The following LIMCH1 variants were observed in gnomAD, a reference collection of about 807,000 sequenced individuals.
The protein encoded by LIMCH1 is LIM and calponin homology domains-containing protein 1.
LIMCH1 carries 113 observed loss-of-function variants against 176.5 expected under a neutral mutation model. The ratio of observed to expected loss-of-function variants is 0.64; its 90% CI spans 0.55 to 0.75. The LOEUF is 0.75. Ranked by LOEUF, LIMCH1 falls within the 30% of genes least tolerant of loss-of-function variation. The probability of loss-of-function intolerance (pLI) is 0.00; values close to 1 mark genes in which losing one functional copy is unlikely to be tolerated. For missense variants in LIMCH1, 1,674 were observed against 1,814.9 expected, an observed-to-expected ratio of 0.92 and a Z score of 1.41; for synonymous variants, 619 against 645.9, an observed-to-expected ratio of 0.96 and a Z score of 0.63.
intron 1 of LIMCH1, among the ~76,000 whole-genome samples, chr4:41,578,754 A>T (rs2084913008): frequency 6.8e-6 from 1 of 146,394 alleles, no homozygotes; most frequent in South Asian, 2.1e-4. Context: ...ATAGGGTCTC[A>T]CTTGGTTGCC....
Position 41,401,653 on chromosome 4 carries a change from C to T in LIMCH1, c.96+40717C>T, listed in dbSNP as rs1048261877. On this transcript the variant is annotated intron_variant, in intron 1 of 26. Coordinates refer to the LIMCH1 transcript ENST00000313860. ...GGCCATTTTCACGATATTGATTCTT[C>T]CTACCCATGAGCATGGAATGTTCTT... Among the ~76,000 whole-genome samples, 12 of 152,192 alleles carry T rather than the reference C, an allele frequency of 7.9e-5. No individual in the cohort carries two copies. In the South Asian group the frequency reaches 1.7e-3, roughly 21 times the overall value.
At chr4:41,537,028 C>G (rs551814377), upstream of LIMCH1, among the ~76,000 whole-genome samples, 1 of 152,076 alleles carries the variant, frequency 6.6e-6, no homozygotes. Flanking sequence ...AAAAACTATT[C>G]TAAAATAAAA....
Position 41,633,561 on chromosome 4 carries a change from G to C in LIMCH1, c.1843G>C (p.Ala615Pro). Reference sequence around the variant, plus strand: ...ATGTTGCCCTAGGGTGTGTCCTCTGGCCTCTGAGTGTGAGGCTTCAGGGAC... The same window carrying C: ...ATGTTGCCCTAGGGTGTGTCCTCTGCCCTCTGAGTGTGAGGCTTCAGGGAC... ...DSSQPLVCPL[A>P]SECEASGTEE... Residue 615 changes from alanine (A) to proline (P), a missense_variant, in exon 13 of 32, where the codon GCC becomes CCC. By Grantham distance (27) the Ala-to-Pro change is conservative. This residue lies in a region of LIMCH1 where 1,015 missense variants were observed against 1,102.5 expected (regional missense o/e 0.92). Coordinates refer to ENST00000503057, the MANE Select transcript of LIMCH1 (RefSeq NM_001330672.2). The C allele has an allele frequency of 6.5e-7, 1 of 1,536,116 alleles. No homozygotes were observed. The highest frequency in any genetic ancestry group is 8.7e-7 in the Non-Finnish European group (1 of 1,146,926).
chr4:41,515,272 G>A (rs1156974204), intron 2 of LIMCH1, among the ~76,000 whole-genome samples: 3 of 152,184 alleles, frequency 2.0e-5, no homozygotes, highest in Admixed American at 6.5e-5. Flanking sequence ...TTCCTTTGTC[G>A]GCATCCTCCC....
chr4:41,572,189 A>T (rs542747701), intron 1 of LIMCH1, among the ~76,000 whole-genome samples: 3 of 152,330 alleles, frequency 2.0e-5, no homozygotes, highest in African/African-American at 7.2e-5. Flanking sequence ...CTGGAAATGT[A>T]ACACAATTAA....
At chr4:41,610,297 T>G (rs1226118313) in intron 4 of LIMCH1, among the ~76,000 whole-genome samples, 1 of 152,210 alleles carries the variant, frequency 6.6e-6, no homozygotes, top group African/African-American at 2.4e-5. Flanking sequence ...TCCAGTTGTG[T>G]AATGGCTGCA....
At chr4:41,455,266 T>TA (rs1426658916) in intron 1 of LIMCH1, among the ~76,000 whole-genome samples, 2 of 152,172 alleles carry the variant, frequency 1.3e-5, no homozygotes, top group African/African-American at 4.8e-5. Flanking sequence ...TCAAACAATA[T>TA]TGTGAGCAAA....
rs185958882 is a variant in LIMCH1, at chr4:41,658,861, G to A, written c.3037-2559G>A. 5.3e-3 allele frequency among the ~76,000 whole-genome samples: 800 copies of A among 152,144 alleles called. 11 individuals are homozygous for A. Among genetic ancestry groups the A allele is most frequent in the African/African-American group, 0.018 (749 of 41,512 alleles). ...TTGTAAACACCAGTGTTCTCAAGAG[G>A]CTCATTCATCAATATTTAACTGCAA... On this transcript the variant is annotated intron_variant, in intron 18 of 31. Coordinates refer to ENST00000503057, the MANE Select transcript of LIMCH1 (RefSeq NM_001330672.2).
At chr4:41,391,877 A>G (rs1437268769) in intron 1 of LIMCH1, among the ~76,000 whole-genome samples, 1 of 152,214 alleles carries the variant, frequency 6.6e-6, no homozygotes, top group Non-Finnish European at 1.5e-5. Flanking sequence ...ACCAATGTCA[A>G]TTTCTTAGTT....
In LIMCH1 at chr4:41,626,817, G is replaced by A. The variant is rs1236495055; in HGVS notation, c.835G>A (p.Val279Ile). 2.0e-6 allele frequency: 3 copies of A among 1,536,272 alleles called. No individual in the cohort carries two copies. Among genetic ancestry groups the A allele is most frequent in the South Asian group, 1.2e-5 (1 of 84,060 alleles). ...CAACGATTCAGAGGCAGAAGGTGAA[G>A]TTGTGTGTCGACTGCCTGATCTTGA... The part of the protein sequence containing the change: ...HGNDSEAEGE[V>I]VCRLPDLEKD... Residue 279 changes from valine to isoleucine, a missense_variant, in exon 8 of 32, where the codon GTT (valine) becomes ATT (isoleucine). This residue lies in a region of LIMCH1 where 655 missense variants were observed against 692.2 expected (regional missense o/e 0.95). Transcript: ENST00000503057.
chr4:41,669,709 C>T lies in LIMCH1; in HGVS notation c.3398-1845C>T, dbSNP rs553555840. On this transcript the variant is annotated intron_variant, in intron 21 of 31. Transcript: ENST00000503057. ...ATAAAGTCTCCATCTTTCAAGAAGCCAGAGACCTCTAATAAATGTAACCTT... is the reference window on the plus strand; with the variant it reads ...ATAAAGTCTCCATCTTTCAAGAAGCTAGAGACCTCTAATAAATGTAACCTT... 3.0e-4 allele frequency among the ~76,000 whole-genome samples: 46 copies of T among 152,262 alleles called. No homozygotes were observed. The South Asian group carries it at 7.3e-3, about 24-fold the overall frequency.
intron 1 of LIMCH1, among the ~76,000 whole-genome samples, chr4:41,445,774 T>A (rs988572232): frequency 6.6e-6 from 1 of 152,196 alleles, no homozygotes; most frequent in Non-Finnish European, 1.5e-5. Context: ...GAGATGAGGG[T>A]AGCTACTGAC....
At chr4:41,378,350 G>A (rs1463055774) in intron 1 of LIMCH1, among the ~76,000 whole-genome samples, 1 of 152,162 alleles carries the variant, frequency 6.6e-6, no homozygotes, top group Non-Finnish European at 1.5e-5. Flanking sequence ...GAAGTTATTT[G>A]GCCTCTCTGT....
intron 23 of LIMCH1, 147 bp downstream of exon 23, chr4:41,676,609 T>G (rs777152853): frequency 1.5e-6 from 1 of 652,140 alleles, no homozygotes; most frequent in Admixed American, 2.5e-5. Context: ...TTTTGTGTCC[T>G]TGTAACAGGG....
chr4:41,483,969 G>T (rs2069096201), intron 1 of LIMCH1, among the ~76,000 whole-genome samples: 2 of 152,172 alleles, frequency 1.3e-5, no homozygotes, highest in Admixed American at 1.3e-4. Flanking sequence ...TGAGCCCTTG[G>T]GCAAGTTACT....
At chr4:41,435,896 A>C (rs940501067) in intron 1 of LIMCH1, among the ~76,000 whole-genome samples, 1 of 152,222 alleles carries the variant, frequency 6.6e-6, no homozygotes. Flanking sequence ...ACTTATTGAC[A>C]TGATGATTCC....
At chr4:41,537,083 T>C (rs947862497), upstream of LIMCH1, among the ~76,000 whole-genome samples, 12 of 152,170 alleles carry the variant, frequency 7.9e-5, no homozygotes, top group African/African-American at 2.9e-4. Context: ...TAAAAGAGCA[T>C]AATGCAAGGA....
chr4:41,407,921 T>G (rs890975685), intron 1 of LIMCH1, among the ~76,000 whole-genome samples: 7 of 152,236 alleles, frequency 4.6e-5, no homozygotes, highest in Non-Finnish European at 7.3e-5. Flanking sequence ...TGCGTATTGC[T>G]GGACTTAGTT....
chr4:41,521,294 A>C lies in LIMCH1; in HGVS notation c.168-3115A>C, dbSNP rs578020176. On this transcript the variant is annotated intron_variant, in intron 2 of 26. Coordinates refer to the LIMCH1 transcript ENST00000313860. ...GTGCATGTCTCTGGGAAATCTTCAT[A>C]TCTGTTTGGGGTTCATTTTTTCTTC... 3.7e-4 allele frequency among the ~76,000 whole-genome samples: 56 copies of C among 152,266 alleles called. 1 individual carries two copies. The highest frequency in any genetic ancestry group is 1.3e-3 in the African/African-American group (55 of 41,548).
Sources: allele counts gnomAD v4.1 joint callset (sites outside exome capture counted in the v4.1 genomes callset), GRCh38; gene constraint gnomAD v4.1.1; regional missense constraint gnomAD v4.1.1; transcripts MANE v1.5; gene names NCBI Gene and HGNC (gene_info 2026-07-23, HGNC 2026-07-21).